CST9L: variants seen among roughly 807,000 people sequenced by gnomAD.
CST9L encodes the protein cystatin 9 like, also known as cystatin-9-like.
Under a neutral mutation model 13.2 loss-of-function variants are expected in CST9L, and 17 were observed. That is an observed-to-expected ratio of 1.29 (90% CI 0.88 to 1.93). The LOEUF is 1.93. Among genes scored for constraint, CST9L ranks in the 30% most tolerant of loss-of-function variants. CST9L has a pLI of 0.00. For synonymous variants in CST9L, 78 were observed against 69.1 expected (o/e 1.13, Z -0.64); for missense variants, 170 against 170.5 (o/e 1.00, Z 0.02).
chr20:23,568,408 G>A lies in CST9L; in HGVS notation c.43C>T (p.Leu15=), dbSNP rs374292045. The part of the protein sequence containing the change: ...PWKGGLSWAL[L]LLLLGSQILL... The stretch of plus-strand genomic sequence containing the variant: ...ATCTGGGAGCCTAAGAGAAGCAGCA[G>A]CAGCGCCCAGGACAGACCTCCCTTC... Residue 15 remains leucine, a synonymous_variant, in exon 1 of 3, where the codon CTG becomes TTG. Transcript: ENST00000376979. The A allele has an allele frequency of 6.2e-6, 10 of 1,614,040 alleles. No individual in the cohort carries two copies. The African/African-American group carries it at 1.1e-4, about 17-fold the overall frequency.
chr20:23,566,160 A>T, intron 1 of CST9L, 73 bp from the exon 2 acceptor site: 2 of 877,890 alleles, frequency 2.3e-6, no homozygotes, highest in South Asian at 2.6e-5. Flanking sequence ...TGAAGATGTC[A>T]TTTGTGTAGG....
Position 23,564,969 on chromosome 20 carries a change from G to C in CST9L, c.423C>G (p.Thr141=). 6.2e-7 allele frequency: 1 copy of C among 1,613,522 alleles called. No individual in the cohort carries two copies. The highest frequency in any genetic ancestry group is 8.5e-7 in the Non-Finnish European group (1 of 1,179,446). Residue 141 remains threonine (T), a synonymous_variant, in exon 3 of 3, where the codon ACC becomes ACG. Transcript: ENST00000376979. ...WMTQFSLLNK[T]CLEGFH ...TCACTCAGTGGAATCCCTCCAAGCA[G>C]GTCTTGTTCAGGAGGCTGAACTGAG...
At position 23,566,049 on chromosome 20, in the gene CST9L, C is replaced by G. The variant is rs1284139893; in HGVS notation, c.279G>C (p.Leu93=). The change falls in exon 2 of 3, where the codon CTG becomes CTC. Residue 93 remains leucine, a synonymous_variant. Transcript: ENST00000376979. The stretch of plus-strand genomic sequence containing the variant: ...CAAATTTCCCACACCTAGTTCTCCC[C>G]AGCAGTAGCTCCATTGAGAATACAG... ...SKTVFSMELL[L]GRTRCGKFED... 6.2e-7 allele frequency: 1 copy of G among 1,610,024 alleles called. No homozygotes were observed. Among genetic ancestry groups the G allele is most frequent in the Non-Finnish European group, 8.5e-7 (1 of 1,176,218 alleles).
rs11470332 is a variant in CST9L, at chr20:23,567,507, C to CAA, written c.240+702_240+703dup. Among the ~76,000 whole-genome samples, 518 of 110,218 alleles carry CAA rather than the reference C, an allele frequency of 4.7e-3. 4 individuals are homozygous for CAA. The highest frequency in any genetic ancestry group is 5.8e-3 in the Non-Finnish European group (332 of 57,302). 72.3% of individuals were successfully genotyped at this position (110,218 alleles called of 152,430 possible). ...TGGGTGACAGAGCAAGATTCCATCT[C>CAA]AAAAAAAAAAAAAAAAAAAAGTCCT... On this transcript the variant is annotated intron_variant, in intron 1 of 2. Coordinates refer to ENST00000376979, the MANE Select transcript of CST9L (RefSeq NM_080610.3).
Position 23,565,060 on chromosome 20 carries a change from G to A in CST9L, c.355-23C>T. 4 of 1,564,686 alleles carry A rather than the reference G, an allele frequency of 2.6e-6. No homozygotes were observed. The South Asian group carries it at 3.3e-5, about 13-fold the overall frequency. The stretch of plus-strand genomic sequence containing the variant: ...AGTCTGAGAGAACAAGCACAGGAAG[G>A]GACAGTGGGTGAGGGAGGCTCAGGA... On this transcript the variant is annotated intron_variant, in intron 2 of 2. Coordinates refer to ENST00000376979, the MANE Select transcript of CST9L (RefSeq NM_080610.3).
At chr20:23,566,629 T>C (rs537536666) in intron 1 of CST9L, among the ~76,000 whole-genome samples, 23 of 152,294 alleles carry the variant, frequency 1.5e-4, no homozygotes. Flanking sequence ...CTCACACCTG[T>C]AATCCCAGCA....
chr20:23,566,263 G>A (rs955676335), intron 1 of CST9L, among the ~76,000 whole-genome samples, 176 bp from the exon 2 acceptor site: 17 of 152,182 alleles, frequency 1.1e-4, no homozygotes, highest in Admixed American at 8.5e-4. Context: ...AACAAAAAGC[G>A]GATGGGCATG....
Position 23,565,008 on chromosome 20 carries a change from G to T in CST9L, c.384C>A (p.Thr128=). 6.2e-7 allele frequency: 1 copy of T among 1,613,974 alleles called. No homozygotes were observed. The highest frequency in any genetic ancestry group is 8.5e-7 in the Non-Finnish European group (1 of 1,179,920). ...NTFTCFFTIS[T]RPWMTQFSLL... is the part of the protein sequence containing the mutation. Reference sequence around the variant, plus strand: ...GGCTGAACTGAGTCATCCAGGGCCTGGTGCTGATGGTGAAGAAGCAGGTGA... The same window carrying T: ...GGCTGAACTGAGTCATCCAGGGCCTTGTGCTGATGGTGAAGAAGCAGGTGA... The change falls in exon 3 of 3, where the codon ACC becomes ACA. Residue 128 remains threonine (T), a synonymous_variant. Transcript: ENST00000376979.
At chr20:23,565,166 C>G (rs919204889) in intron 2 of CST9L, 129 bp from the exon 3 acceptor site, 1 of 709,634 alleles carries the variant, frequency 1.4e-6, no homozygotes, top group Non-Finnish European at 2.5e-6. Context: ...GACGGGGCCT[C>G]TGGCTATCAT....
chr20:23,566,264 G>T lies in CST9L; in HGVS notation c.241-177C>A, dbSNP rs79252190. On this transcript the variant is annotated intron_variant, in intron 1 of 2. Transcript: ENST00000376979. ...ATTGGGCAGTTAAGAACAAAAAGCG[G>T]ATGGGCATGGTGGCCCCAGGGCAGA... Among the ~76,000 whole-genome samples, 1,184 of 152,310 alleles carry T rather than the reference G, an allele frequency of 7.8e-3. 13 individuals are homozygous for T. The highest frequency in any genetic ancestry group is 0.027 in the African/African-American group (1,109 of 41,562).
At chr20:23,565,113 G>C (rs1358993497) in intron 2 of CST9L, 76 bp from the exon 3 acceptor site, 9 of 1,029,304 alleles carry the variant, frequency 8.7e-6, no homozygotes, top group Non-Finnish European at 1.4e-5. Context: ...CTGAACAATG[G>C]CTTCCTCTCC....
chr20:23,567,915 T>C (rs1336856653), intron 1 of CST9L, among the ~76,000 whole-genome samples: 1 of 152,208 alleles, frequency 6.6e-6, no homozygotes, highest in Non-Finnish European at 1.5e-5. Context: ...TTCCGTATCT[T>C]CATTTTCTTG....
rs770225965 is a variant in CST9L, at chr20:23,568,229, C to A, written c.222G>T (p.Leu74Phe). The A allele has an allele frequency of 2.5e-6, 4 of 1,614,114 alleles. No individual in the cohort carries two copies. In the Admixed American group the frequency reaches 5.0e-5, roughly 20 times the overall value. Residue 74 changes from leucine (L) to phenylalanine (F), a missense_variant, in exon 1 of 3, where the codon TTG becomes TTT. Physicochemically the swap from Leu to Phe is conservative, Grantham distance 22 (BLOSUM62 0). Coordinates refer to ENST00000376979, the MANE Select transcript of CST9L (RefSeq NM_080610.3). Reference sequence around the variant, plus strand: ...CACCAACCTGCTCCTTCCAGGAATTCAAGATGTGCCCCAGTCTGTAGGCAT... The same window carrying A: ...CACCAACCTGCTCCTTCCAGGAATTAAAGATGTGCCCCAGTCTGTAGGCAT... ...DYYAYRLGHI[L>F]NSWKEQVESK...
At chr20:23,567,448 C>T (rs889348389) in intron 1 of CST9L, among the ~76,000 whole-genome samples, 2 of 143,066 alleles carry the variant, frequency 1.4e-5, no homozygotes. Flanking sequence ...GCGGATCTTG[C>T]AGTGAGCGGA....
chr20:23,568,126 A>G, intron 1 of CST9L, 85 bp downstream of exon 1: 1 of 1,417,656 alleles, frequency 7.1e-7, no homozygotes, highest in Non-Finnish European at 9.9e-7. Flanking sequence ...ACTCTTCAAT[A>G]AGACCCCCTG....
At position 23,568,254 on chromosome 20, in the gene CST9L, T is replaced by C; in HGVS notation, c.197A>G (p.Tyr66Cys). ...CAAGATGTGCCCCAGTCTGTAGGCATAGTAGTCCTTGCTCTGTTGGTTGAA... is the reference window on the plus strand; with the variant it reads ...CAAGATGTGCCCCAGTCTGTAGGCACAGTAGTCCTTGCTCTGTTGGTTGAA... ...HTFNQQSKDY[Y>C]AYRLGHILNS... The change falls in exon 1 of 3, where the codon TAT becomes TGT. Residue 66 changes from tyrosine to cysteine, a missense_variant. Physicochemically the swap from Tyr to Cys is radical, Grantham distance 194 (BLOSUM62 -2). Coordinates refer to ENST00000376979, the MANE Select transcript of CST9L (RefSeq NM_080610.3). 4 of 1,614,158 alleles carry C rather than the reference T, an allele frequency of 2.5e-6. No homozygotes were observed.
In CST9L at chr20:23,565,018, G is replaced by A; in HGVS notation, c.374C>T (p.Thr125Ile). 1 of 1,613,814 alleles carries A rather than the reference G, an allele frequency of 6.2e-7. No homozygotes were observed. Among genetic ancestry groups the A allele is most frequent in the Non-Finnish European group, 8.5e-7 (1 of 1,179,736 alleles). Residue 125 changes from threonine to isoleucine, a missense_variant, in exon 3 of 3, where the codon ACC becomes ATC. Coordinates refer to ENST00000376979, the MANE Select transcript of CST9L (RefSeq NM_080610.3). ...AGTCATCCAGGGCCTGGTGCTGATG[G>A]TGAAGAAGCAGGTGAAAGTCTGAGA... The part of the protein sequence containing the change: ...ELNNTFTCFF[T>I]ISTRPWMTQF...
At chr20:23,565,641 G>A (rs1406701648) in intron 2 of CST9L, among the ~76,000 whole-genome samples, 1 of 152,140 alleles carries the variant, frequency 6.6e-6, no homozygotes, top group Non-Finnish European at 1.5e-5. Context: ...AGGCAGGGGA[G>A]GAAGACCAGA....
At chr20:23,567,614 T>C (rs952613353) in intron 1 of CST9L, among the ~76,000 whole-genome samples, 1 of 151,966 alleles carries the variant, frequency 6.6e-6, no homozygotes, top group Non-Finnish European at 1.5e-5. Context: ...AGTGACTTCA[T>C]TAAAAGGAGA....
Sources: allele counts gnomAD v4.1 joint callset (sites outside exome capture counted in the v4.1 genomes callset), GRCh38; gene constraint gnomAD v4.1.1; transcripts MANE v1.5; gene names NCBI Gene and HGNC (gene_info 2026-07-23, HGNC 2026-07-21).